CHL1: variants seen among roughly 807,000 people sequenced by gnomAD.
CHL1 encodes the protein cell adhesion molecule L1 like, also known as neural cell adhesion molecule L1-like protein.
Under a neutral mutation model 141.9 loss-of-function variants are expected in CHL1, and 96 were observed. The ratio of observed to expected loss-of-function variants is 0.68; its 90% CI spans 0.57 to 0.80. The LOEUF (loss-of-function observed/expected upper bound fraction) is 0.80, where lower values mean the gene tolerates loss of function less well. Among genes scored for constraint, CHL1 ranks in the 30% least tolerant of loss-of-function variants. CHL1 has a pLI of 0.00. For missense variants in CHL1, 1,820 were observed against 1,457.2 expected (o/e 1.25, Z -4.05); for synonymous variants, 613 against 502.2 (o/e 1.22, Z -2.95).
chr3:213,283 G>A (rs1700044555), intron 1 of CHL1: 1 of 152,148 alleles, frequency 6.6e-6, no homozygotes, highest in East Asian at 1.9e-4. Context: ...ACACATCTAG[G>A]ATCATTTCAG....
intron 2 of CHL1, among the ~76,000 whole-genome samples, chr3:300,030 G>T (rs1202625535): frequency 6.6e-6 from 1 of 152,158 alleles, no homozygotes; most frequent in East Asian, 1.9e-4. Flanking sequence ...AAGATAAATT[G>T]CTTACCAATT....
At chr3:353,248 G>A (rs1392177381) in intron 10 of CHL1, among the ~76,000 whole-genome samples, 1 of 151,952 alleles carries the variant, frequency 6.6e-6, no homozygotes, top group Non-Finnish European at 1.5e-5. Flanking sequence ...AGCAATAGTT[G>A]TAATTTTCTA....
Position 197,622 on chromosome 3 carries a change from T to C in CHL1, c.-175+559T>C, listed in dbSNP as rs1398171271. The stretch of plus-strand genomic sequence containing the variant: ...CCTCCTCTCAGGAGAGGATTCTAGA[T>C]CCCAGCCCGGGGGGGGTTCCGAAAA... On this transcript the variant is annotated intron_variant, in intron 1 of 27. Coordinates refer to ENST00000256509, the MANE Select transcript of CHL1 (RefSeq NM_006614.4). 5 of 336,866 alleles carry C rather than the reference T, an allele frequency of 1.5e-5. No homozygotes were observed. In the East Asian group the frequency reaches 5.1e-4, roughly 34 times the overall value. 20.9% of individuals were successfully genotyped at this position (336,866 alleles called of 1,614,324 possible). A position where few individuals can be genotyped will look rare whatever the true frequency, so the allele number is the denominator to read the frequency against.
At chr3:295,470 CA>C (rs1200422124) in intron 2 of CHL1, among the ~76,000 whole-genome samples, 2 of 152,056 alleles carry the variant, frequency 1.3e-5, no homozygotes, top group South Asian at 4.1e-4. Context: ...CAACAACAAA[CA>C]AAGGCACATT....
chr3:399,485 C>CA (rs1487807977), intron 26 of CHL1, among the ~76,000 whole-genome samples: 7 of 151,894 alleles, frequency 4.6e-5, no homozygotes, highest in Non-Finnish European at 8.8e-5. Context: ...ACTAAAAATA[C>CA]AAAAATTAGC....
intron 1 of CHL1, among the ~76,000 whole-genome samples, 183 bp from the exon 2 acceptor site, chr3:244,430 G>A (rs879257188): frequency 2.0e-5 from 3 of 152,090 alleles, no homozygotes; most frequent in East Asian, 3.9e-4. Context: ...ACAGAAATTC[G>A]CAGGACCCCT....
At chr3:297,198 C>G (rs973594561) in intron 2 of CHL1, among the ~76,000 whole-genome samples, 2 of 151,804 alleles carry the variant, frequency 1.3e-5, no homozygotes, top group African/African-American at 4.8e-5. Context: ...TACACTTCAA[C>G]CTGTGTGACA....
rs1559291923 is a variant in CHL1 at position 222,168 on chromosome 3, CA to C, written c.-174-22443del. Among the ~76,000 whole-genome samples the C allele has an allele frequency of 2.6e-5, 4 of 152,222 alleles. No individual in the cohort carries two copies. In the South Asian group the frequency reaches 8.3e-4, roughly 32 times the overall value. Reference sequence around the variant, plus strand: ...GTTCCTCAAATTTAGTGGCTTAAACCAACATACCTTTTTCTGTTAGAGATCT... The same window carrying C: ...GTTCCTCAAATTTAGTGGCTTAAACCACATACCTTTTTCTGTTAGAGATCT... On this transcript the variant is annotated intron_variant, in intron 1 of 27. Transcript: ENST00000256509.
Position 340,928 on chromosome 3 carries a change from TCCGTTCCATC to T in CHL1, c.508+13_508+22del. 6.2e-7 allele frequency: 1 copy of T among 1,606,072 alleles called. No homozygotes were observed. Among genetic ancestry groups the T allele is most frequent in the Admixed American group, 1.7e-5 (1 of 58,344 alleles). ...TTGGATGAATATTGGTAAGTAATGC[TCCGTTCCATC>T]AAAAAAGGGGGACATTTTAATTCTA... On this transcript the variant is annotated intron_variant, in intron 6 of 27. Coordinates refer to ENST00000256509, the MANE Select transcript of CHL1 (RefSeq NM_006614.4).
Position 319,958 on chromosome 3 carries a change from T to C in CHL1, c.91+91T>C, listed in dbSNP as rs2272523. On this transcript the variant is annotated intron_variant, in intron 3 of 27. Transcript: ENST00000256509. ...ATACTTATGGATTGAGGATGTGACTTTTCTACCATATTTCTATATATTCTT... is the reference window on the plus strand; with the variant it reads ...ATACTTATGGATTGAGGATGTGACTCTTCTACCATATTTCTATATATTCTT... The C allele has an allele frequency of 1.0e-5, 7 of 698,116 alleles. No homozygotes were observed. In the East Asian group the frequency reaches 2.0e-4, roughly 20 times the overall value. The allele number at this position is 698,116 out of a possible 1,614,324, so 43.2% of individuals were successfully genotyped here.
intron 2 of CHL1, among the ~76,000 whole-genome samples, chr3:273,946 A>G (rs2125257290): frequency 6.6e-6 from 1 of 152,286 alleles, no homozygotes; most frequent in Non-Finnish European, 1.5e-5. Context: ...ATGATTTCAC[A>G]TTCTTTTTGG....
intron 27 of CHL1, among the ~76,000 whole-genome samples, chr3:403,939 G>T (rs1045786992): frequency 6.6e-6 from 1 of 152,042 alleles, no homozygotes; most frequent in Non-Finnish European, 1.5e-5. Context: ...ATGCCTCATT[G>T]TTTTTCTTGA....
At chr3:305,785 A>G (rs1218386441) in intron 2 of CHL1, among the ~76,000 whole-genome samples, 1 of 151,898 alleles carries the variant, frequency 6.6e-6, no homozygotes, top group Non-Finnish European at 1.5e-5. Context: ...AGAGGGTTGT[A>G]TAATCTTCAA....
intron 1 of CHL1, among the ~76,000 whole-genome samples, chr3:216,322 C>A (rs567102055): frequency 2.0e-5 from 3 of 152,224 alleles, no homozygotes; most frequent in African/African-American, 7.2e-5. Flanking sequence ...TTTCTCTTTC[C>A]TTTTTGTTGT....
chr3:299,596 A>G (rs186118394), intron 2 of CHL1, among the ~76,000 whole-genome samples: 177 of 152,306 alleles, frequency 1.2e-3, no homozygotes, highest in Admixed American at 2.6e-3. Flanking sequence ...GGAGGATGTA[A>G]CATCTTGATT....
At chr3:247,441 T>G (rs771932698) in intron 2 of CHL1, 2 of 152,074 alleles carry the variant, frequency 1.3e-5, no homozygotes, top group Non-Finnish European at 2.9e-5. Flanking sequence ...AGAGTTCAAG[T>G]TAAATTTTTA....
chr3:404,452 A>G (rs1344813767), intron 27 of CHL1, among the ~76,000 whole-genome samples: 1 of 152,270 alleles, frequency 6.6e-6, no homozygotes. Flanking sequence ...TGTAATACTA[A>G]TTGGTACTTA....
chr3:247,543 A>G (rs1395377823), intron 2 of CHL1: 1 of 152,104 alleles, frequency 6.6e-6, no homozygotes. Context: ...AGAGAGGAAC[A>G]GAAGGAGGGA....
intron 5 of CHL1, among the ~76,000 whole-genome samples, chr3:333,328 G>A (rs546768066): frequency 2.6e-5 from 4 of 151,728 alleles, no homozygotes; most frequent in East Asian, 3.9e-4. Context: ...ATCTTTAATC[G>A]ATTCTTCTCT....
Sources: gnomAD v4.1 joint callset for allele counts (sites outside exome capture counted in the v4.1 genomes callset) on GRCh38, gnomAD v4.1.1 for gene constraint, MANE v1.5 for transcripts, NCBI Gene and HGNC (gene_info 2026-07-23, HGNC 2026-07-21) for gene names.